HSD17B12: variants seen among roughly 807,000 people sequenced by gnomAD.
The protein encoded by HSD17B12 is hydroxysteroid 17-beta dehydrogenase 12.
A neutral mutation model predicts 39.3 loss-of-function variants in HSD17B12; 32 were observed. The observed-to-expected ratio is 0.81, with a 90% CI of 0.61 to 1.09. HSD17B12 has a LOEUF of 1.09. HSD17B12 is among the 50% of genes least tolerant of loss of function. The pLI is 0.00. For synonymous variants in HSD17B12, 150 were observed against 146.7 expected, an observed-to-expected ratio of 1.02 and a Z score of -0.16; for missense variants, 342 against 382.9, an observed-to-expected ratio of 0.89 and a Z score of 0.89.
chr11:43,825,345 T>C (rs1951224294), intron 6 of HSD17B12, among the ~76,000 whole-genome samples: 3 of 152,188 alleles, frequency 2.0e-5, no homozygotes, highest in Non-Finnish European at 4.4e-5. Flanking sequence ...AAAGTTTAGA[T>C]GAATGGACAG....
the HSD17B12 span, chr11:43,570,539 C>T: frequency 1.3e-5 from 2 of 152,178 alleles, no homozygotes; most frequent in African/African-American, 4.8e-5. Flanking sequence ...CTTTGATAAA[C>T]CCTGTGCTGA....
chr11:43,725,602 C>G (rs1420535659), intron 1 of HSD17B12, among the ~76,000 whole-genome samples: 1 of 152,108 alleles, frequency 6.6e-6, no homozygotes, highest in African/African-American at 2.4e-5. Context: ...AATCTATATG[C>G]CAGCTACTAT....
the HSD17B12 span, among the ~76,000 whole-genome samples, chr11:43,624,901 TAGA>T: frequency 6.6e-6 from 1 of 151,740 alleles, no homozygotes; most frequent in Non-Finnish European, 1.5e-5. Flanking sequence ...AACAGAAAAT[TAGA>T]AGCATAATAT....
chr11:43,568,262 G>A, the HSD17B12 span, among the ~76,000 whole-genome samples: 69,474 of 151,666 alleles, frequency 0.46, 16,088 homozygotes, highest in Admixed American at 0.58. Context: ...ATCACACCTC[G>A]TTAATTTTTT....
At chr11:43,608,877 T>C in the HSD17B12 span, among the ~76,000 whole-genome samples, 1 of 152,144 alleles carries the variant, frequency 6.6e-6, no homozygotes, top group Non-Finnish European at 1.5e-5. Context: ...TGCTGCCTCA[T>C]AGGGACCCTC....
intron 1 of HSD17B12, among the ~76,000 whole-genome samples, chr11:43,720,811 A>G (rs1484025198): frequency 1.8e-5 from 2 of 112,344 alleles, no homozygotes. Flanking sequence ...TATCTGGCTC[A>G]CAGATATGGT....
At chr11:43,740,025 G>C (rs1408388939) in intron 1 of HSD17B12, among the ~76,000 whole-genome samples, 1 of 152,120 alleles carries the variant, frequency 6.6e-6, no homozygotes. Context: ...AGGCGAATGC[G>C]TTAGAAGGCT....
chr11:43,838,224 C>G lies in HSD17B12; in HGVS notation c.537-93C>G. Reference sequence around the variant, plus strand: ...GTGGTAGAAAAACAGCTACATTATTCTGTTTCGAATAATTATATATCTCAA... The same window carrying G: ...GTGGTAGAAAAACAGCTACATTATTGTGTTTCGAATAATTATATATCTCAA... On this transcript the variant is annotated intron_variant, in intron 7 of 10. Coordinates refer to ENST00000278353, the MANE Select transcript of HSD17B12 (RefSeq NM_016142.3). 4.6e-6 allele frequency: 4 copies of G among 872,574 alleles called. No homozygotes were observed. The South Asian group carries it at 5.4e-5, about 12-fold the overall frequency. 54.1% of individuals were successfully genotyped at this position (872,574 alleles called of 1,614,324 possible).
the HSD17B12 span, among the ~76,000 whole-genome samples, chr11:43,572,575 A>C: frequency 2.6e-5 from 4 of 152,288 alleles, no homozygotes; most frequent in African/African-American, 9.6e-5. Context: ...AGCTGTTTAA[A>C]CGTTATGGTC....
intron 6 of HSD17B12, among the ~76,000 whole-genome samples, chr11:43,823,674 C>A (rs1311168451): frequency 1.3e-5 from 2 of 152,122 alleles, no homozygotes; most frequent in Non-Finnish European, 2.9e-5. Flanking sequence ...CCTGCTGAAT[C>A]CTACCTGGGC....
chr11:43,773,430 G>C (rs1193727438), intron 3 of HSD17B12, among the ~76,000 whole-genome samples: 1 of 152,088 alleles, frequency 6.6e-6, no homozygotes, highest in African/African-American at 2.4e-5. Context: ...CATAGAGTTG[G>C]AATCTTGCTC....
chr11:43,801,130 C>T (rs1950963221), intron 4 of HSD17B12, among the ~76,000 whole-genome samples: 3 of 151,072 alleles, frequency 2.0e-5, no homozygotes, highest in African/African-American at 4.9e-5. Flanking sequence ...CAAAGTGAGA[C>T]TCTGTCTCAA....
the HSD17B12 span, among the ~76,000 whole-genome samples, chr11:43,594,846 GTCT>G: frequency 2.0e-5 from 3 of 151,708 alleles, 1 homozygote; most frequent in Admixed American, 2.0e-4. Context: ...GATTTTTTTT[GTCT>G]TCTTTCTTTT....
At chr11:43,834,893 G>A (rs142184861) in intron 7 of HSD17B12, among the ~76,000 whole-genome samples, 3 of 152,006 alleles carry the variant, frequency 2.0e-5, no homozygotes, top group East Asian at 3.9e-4. Flanking sequence ...GGGTTTTTTC[G>A]CAACATTTTA....
the HSD17B12 span, among the ~76,000 whole-genome samples, chr11:43,578,241 A>C: frequency 6.6e-6 from 1 of 151,958 alleles, no homozygotes; most frequent in Non-Finnish European, 1.5e-5. Context: ...GGTAAGTATT[A>C]GTGGGGCTAG....
chr11:43,716,449 T>A (rs568562040), intron 1 of HSD17B12, among the ~76,000 whole-genome samples: 2 of 152,158 alleles, frequency 1.3e-5, no homozygotes, highest in Non-Finnish European at 2.9e-5. Context: ...AGTAATACTT[T>A]ATAATTTGCC....
At chr11:43,854,128 A>G (rs1951559044) in intron 9 of HSD17B12, 1 of 152,280 alleles carries the variant, frequency 6.6e-6, no homozygotes, top group Non-Finnish European at 1.5e-5. Context: ...GTTTCTTCTA[A>G]AAAAGAAAAA....
intron 1 of HSD17B12, among the ~76,000 whole-genome samples, chr11:43,740,536 A>G (rs1348253851): frequency 6.6e-6 from 1 of 152,210 alleles, no homozygotes; most frequent in Admixed American, 6.5e-5. Flanking sequence ...TGGCGTGGTA[A>G]TTCAGTGGTG....
chr11:43,586,004 A>G, the HSD17B12 span, among the ~76,000 whole-genome samples: 1 of 152,226 alleles, frequency 6.6e-6, no homozygotes, highest in Admixed American at 6.5e-5. Flanking sequence ...CAATCTCTTC[A>G]TTTTATAAAT....
Sources: gnomAD v4.1 joint callset for allele counts (sites outside exome capture counted in the v4.1 genomes callset) on GRCh38, gnomAD v4.1.1 for gene constraint, MANE v1.5 for transcripts, NCBI Gene and HGNC (gene_info 2026-07-23, HGNC 2026-07-21) for gene names.